Variants in ZFR observed in about 807,000 individuals in gnomAD.
ZFR encodes the protein zinc finger RNA binding protein.
A neutral mutation model predicts 130.7 loss-of-function variants in ZFR; 19 were observed. That is an observed-to-expected ratio of 0.15 (90% confidence interval 0.10 to 0.21). ZFR has a LOEUF of 0.21. ZFR is among the 10% of genes least tolerant of loss of function. The probability of loss-of-function intolerance (pLI) is 1.00; values close to 1 mark genes in which losing one functional copy is unlikely to be tolerated. For synonymous variants in ZFR, 466 were observed against 456.9 expected, an observed-to-expected ratio of 1.02 and a Z score of -0.25; for missense variants, 872 against 1,321.5, an observed-to-expected ratio of 0.66 and a Z score of 5.27.
rs571900858 is a variant in ZFR at position 32,424,604 on chromosome 5, C to T, written c.138-4501G>A. On this transcript the variant is annotated intron_variant, in intron 2 of 19. Coordinates refer to ENST00000265069, the MANE Select transcript of ZFR (RefSeq NM_016107.5). ...GGAAATGTAAACTGCTCAAGAAAGG[C>T]ATGATCCCAATAAAAGACTTTATAG... Among the ~76,000 whole-genome samples, 28 of 151,464 alleles carry T rather than the reference C, an allele frequency of 1.8e-4. 1 individual carries two copies. The South Asian group carries it at 5.4e-3, about 29-fold the overall frequency.
rs111322254 is a variant in ZFR, at chr5:32,407,128, A to G, written c.785-107T>C. On this transcript the variant is annotated intron_variant, in intron 5 of 19. Transcript: ENST00000265069. ...ATCCTGCCAATAAAGATAGATTTAC[A>G]TGTGCATATTTACAAACGTATATCT... is the stretch of plus-strand genomic sequence containing the variant. 4,525 of 1,037,292 alleles carry G rather than the reference A, an allele frequency of 4.4e-3. 137 individuals carry two copies. In the African/African-American group the frequency reaches 0.067, roughly 15 times the overall value. 64.3% of individuals were successfully genotyped at this position (1,037,292 alleles called of 1,614,324 possible).
intron 2 of ZFR, among the ~76,000 whole-genome samples, chr5:32,443,225 G>A (rs1471235159): frequency 6.6e-6 from 1 of 152,160 alleles, no homozygotes; most frequent in Non-Finnish European, 1.5e-5. Flanking sequence ...GTGCGCTTAT[G>A]GCCTGAATCA....
chr5:32,443,379 G>C (rs1754514179), intron 2 of ZFR, among the ~76,000 whole-genome samples: 1 of 152,260 alleles, frequency 6.6e-6, no homozygotes. Flanking sequence ...CAATGACTCA[G>C]TACAATCTCA....
At chr5:32,435,682 C>T (rs560834652) in intron 2 of ZFR, among the ~76,000 whole-genome samples, 1 of 152,242 alleles carries the variant, frequency 6.6e-6, no homozygotes, top group Non-Finnish European at 1.5e-5. Flanking sequence ...TTCTTCAAGC[C>T]TATTTTCAAA....
intron 2 of ZFR, among the ~76,000 whole-genome samples, chr5:32,430,994 G>A (rs965345787): frequency 7.2e-5 from 11 of 152,164 alleles, no homozygotes; most frequent in Admixed American, 3.3e-4. Flanking sequence ...AGGACTGCTT[G>A]AGCCCGGGAG....
At chr5:32,434,830 T>C (rs140346769) in intron 2 of ZFR, among the ~76,000 whole-genome samples, 209 of 152,298 alleles carry the variant, frequency 1.4e-3, no homozygotes, top group African/African-American at 4.1e-3. Flanking sequence ...TAACTAGAAC[T>C]ACTCAAAAAA....
chr5:32,424,839 A>G (rs1695253417), intron 2 of ZFR, among the ~76,000 whole-genome samples: 1 of 152,206 alleles, frequency 6.6e-6, no homozygotes, highest in Non-Finnish European at 1.5e-5. Context: ...GAGAAGATAA[A>G]CTATGATTAC....
chr5:32,361,618 C>CTA, intron 19 of ZFR, among the ~76,000 whole-genome samples: 1 of 134,026 alleles, frequency 7.5e-6, no homozygotes, highest in Admixed American at 7.6e-5. Context: ...TCAGCCTATT[C>CTA]TTTTTTTTTT....
chr5:32,360,314 C>T (rs1191898188), intron 19 of ZFR, among the ~76,000 whole-genome samples: 1 of 152,152 alleles, frequency 6.6e-6, no homozygotes, highest in Non-Finnish European at 1.5e-5. Context: ...ACTCAACTAT[C>T]ACTATTATCT....
intron 2 of ZFR, among the ~76,000 whole-genome samples, chr5:32,427,245 T>C (rs998093754): frequency 2.0e-5 from 3 of 151,276 alleles, no homozygotes; most frequent in Non-Finnish European, 4.4e-5. Flanking sequence ...AAAAAACAAT[T>C]AGTGGCGCAT....
At chr5:32,403,507 T>G in intron 7 of ZFR, 110 bp from the exon 8 acceptor site, 1 of 1,364,260 alleles carries the variant, frequency 7.3e-7, no homozygotes, top group East Asian at 2.4e-5. Flanking sequence ...TTGTTGTATT[T>G]TTTCTGCTAT....
At chr5:32,390,509 A>G (rs1048513969) in intron 11 of ZFR, 72 bp from the exon 12 acceptor site, 2 of 1,384,790 alleles carry the variant, frequency 1.4e-6, no homozygotes, top group Non-Finnish European at 1.9e-6. Context: ...CAATAGTGAC[A>G]TAAAAAGCAA....
chr5:32,415,411 A>G (rs1753797700), intron 4 of ZFR, among the ~76,000 whole-genome samples: 1 of 152,104 alleles, frequency 6.6e-6, no homozygotes, highest in Non-Finnish European at 1.5e-5. Flanking sequence ...TGTATTTCCA[A>G]AATGATTATT....
At chr5:32,371,681 T>C (rs566004252) in intron 17 of ZFR, among the ~76,000 whole-genome samples, 3 of 151,610 alleles carry the variant, frequency 2.0e-5, no homozygotes, top group African/African-American at 7.2e-5. Flanking sequence ...AGAAAAACAC[T>C]AGAATTTGCT....
At chr5:32,356,471 G>T (rs1210418660) in intron 19 of ZFR, among the ~76,000 whole-genome samples, 1 of 152,100 alleles carries the variant, frequency 6.6e-6, no homozygotes, top group Non-Finnish European at 1.5e-5. Context: ...GGAGTGCAGT[G>T]GTGCGAGCTT....
In ZFR at chr5:32,355,637, T is replaced by C. The variant is rs1478523858; in HGVS notation, c.*123A>G. 1.1e-5 allele frequency: 10 copies of C among 914,362 alleles called. No individual in the cohort carries two copies. In the African/African-American group the frequency reaches 1.4e-4, roughly 13 times the overall value. The allele number at this position is 914,362 out of a possible 1,614,324, so 56.6% of individuals were successfully genotyped here. ...ACATTTTTTAATATCATAGAAAAAC[T>C]TGGTTCTTCCATGAAATCCTTTAAA... On this transcript the variant is annotated 3_prime_UTR_variant, in exon 20 of 20. Transcript: ENST00000265069.
rs775328024 is a variant in ZFR, at chr5:32,414,988, G to A, written c.765C>T (p.Thr255=). ...PSYTQSATYS[T]TAVTYSGTSY... ...TCTTACCAGAATATGTAACTGCTGT[G>A]GTACTGTAAGTAGCACTCTGAGTAT... Residue 255 remains threonine (T), a synonymous_variant, in exon 5 of 20, where the codon ACC becomes ACT. Coordinates refer to ENST00000265069, the MANE Select transcript of ZFR (RefSeq NM_016107.5). 6.8e-6 allele frequency: 11 copies of A among 1,613,548 alleles called. No homozygotes were observed. The highest frequency in any genetic ancestry group is 9.3e-6 in the Non-Finnish European group (11 of 1,179,738).
rs750353806 is a variant in ZFR at position 32,355,551 on chromosome 5, C to T, written c.*209G>A. ...AAAAAATCGGAACTACTGTTTTCCC[C>T]CTAGTCGGAGCACATTTTTTTTTTT... On this transcript the variant is annotated 3_prime_UTR_variant, in exon 20 of 20. Coordinates refer to ENST00000265069, the MANE Select transcript of ZFR (RefSeq NM_016107.5). 7.9e-6 allele frequency: 3 copies of T among 381,302 alleles called. No individual in the cohort carries two copies. Among genetic ancestry groups the T allele is most frequent in the Non-Finnish European group, 9.1e-6 (2 of 219,888 alleles). The allele number at this position is 381,302 out of a possible 1,614,324, so 23.6% of individuals were successfully genotyped here.
intron 5 of ZFR, among the ~76,000 whole-genome samples, chr5:32,410,374 G>A (rs138627240): frequency 0.019 from 2,837 of 151,068 alleles, 89 homozygotes; most frequent in African/African-American, 0.066. Flanking sequence ...TTTGAGAGGC[G>A]GAGGTGGGCA....
Sources: gnomAD v4.1 joint callset for allele counts (sites outside exome capture counted in the v4.1 genomes callset) on GRCh38, gnomAD v4.1.1 for gene constraint, MANE v1.5 for transcripts, NCBI Gene and HGNC (gene_info 2026-07-23, HGNC 2026-07-21) for gene names.